TAT: variants seen among roughly 807,000 people sequenced by gnomAD.
The protein encoded by TAT is tyrosine aminotransferase.
In TAT, 35 loss-of-function variants were observed where a neutral mutation model predicts 53.6. The ratio of observed to expected loss-of-function variants is 0.65; its 90% CI spans 0.50 to 0.87. The LOEUF is 0.87. Ranked by LOEUF, TAT falls within the 40% of genes least tolerant of loss-of-function variation. The probability of loss-of-function intolerance (pLI) is 0.00; values close to 1 mark genes in which losing one functional copy is unlikely to be tolerated. For synonymous variants in TAT, 197 were observed against 206.5 expected (o/e 0.95, Z 0.39); for missense variants, 525 against 571.8 (o/e 0.92, Z 0.83).
chr16:71,573,498 C>G (rs2044217137), intron 4 of TAT, 41 bp downstream of exon 4: 1 of 1,520,984 alleles, frequency 6.6e-7, no homozygotes, highest in Admixed American at 2.0e-5. Context: ...GGATAGTTTG[C>G]CCTAAATTGC....
intron 10 of TAT, 123 bp from the exon 11 acceptor site, chr16:71,568,932 GATAA>G: frequency 1.4e-6 from 1 of 728,844 alleles, no homozygotes; most frequent in Non-Finnish European, 2.5e-6. Context: ...ACTGATCACT[GATAA>G]ATAAGAGGGC....
chr16:71,568,143 C>T lies in TAT; in HGVS notation c.*1G>A, dbSNP rs2044176820. On this transcript the variant is annotated 3_prime_UTR_variant, in exon 12 of 12. Transcript: ENST00000355962. The stretch of plus-strand genomic sequence containing the variant: ...ACATCCTCAGGAGAATGGATGCAGG[C>T]CTATTTATCACACTCCTCCTGGCTG... 1 of 1,614,174 alleles carries T rather than the reference C, an allele frequency of 6.2e-7. No individual in the cohort carries two copies. The highest frequency in any genetic ancestry group is 8.5e-7 in the Non-Finnish European group (1 of 1,180,034).
chr16:71,576,272 C>T lies in TAT; in HGVS notation c.144G>A (p.Met48Ile). 1 of 1,614,132 alleles carries T rather than the reference C, an allele frequency of 6.2e-7. No individual in the cohort carries two copies. Among genetic ancestry groups the T allele is most frequent in the Non-Finnish European group, 8.5e-7 (1 of 1,180,026 alleles). The change falls in exon 2 of 12, where the codon ATG (methionine) becomes ATA (isoleucine). Residue 48 changes from methionine (M) to isoleucine (I), a missense_variant. Transcript: ENST00000355962. ...GGATGGGGTTGAAAGTTTTCTTGGC[C>T]ATGTCTGAGGGCCTCACAGACCACC... Reference protein sequence around the residue: ...KARWSVRPSDMAKKTFNPIRA... With the variant: ...KARWSVRPSDIAKKTFNPIRA...
Position 71,572,649 on chromosome 16 carries a change from G to C in TAT, c.448C>G (p.Leu150Val). The C allele has an allele frequency of 6.2e-7, 1 of 1,614,238 alleles. No individual in the cohort carries two copies. The highest frequency in any genetic ancestry group is 8.5e-7 in the Non-Finnish European group (1 of 1,180,042). ...GGGTTGGCCAACACAGCTAAACAAA[G>C]GTCAATAGCTTGGCTGCAGCCACTT... Reference protein sequence around the residue: ...LTSGCSQAIDLCLAVLANPGQ... With the variant: ...LTSGCSQAIDVCLAVLANPGQ... Residue 150 changes from leucine to valine, a missense_variant, in exon 5 of 12, where the codon CTT (leucine) becomes GTT (valine). Coordinates refer to ENST00000355962, the MANE Select transcript of TAT (RefSeq NM_000353.3).
At position 71,568,189 on chromosome 16, in the gene TAT, C is replaced by G. The variant is rs1358845904; in HGVS notation, c.1320G>C (p.Gln440His). 6.2e-7 allele frequency: 1 copy of G among 1,614,216 alleles called. No homozygotes were observed. Among genetic ancestry groups the G allele is most frequent in the Non-Finnish European group, 8.5e-7 (1 of 1,180,040 alleles). Residue 440 changes from glutamine (Q) to histidine (H), a missense_variant, in exon 12 of 12, where the codon CAG becomes CAC. Gln to His is a conservative substitution (Grantham distance 24). Coordinates refer to ENST00000355962, the MANE Select transcript of TAT (RefSeq NM_000353.3). ...ACSRIQEFCE[Q>H]HYHCAEGSQE... ...GGCTGCCTTCAGCACAATGGTAGTG[C>G]TGCTCACAGAACTCCTGGATCCGGC...
rs1244154928 is a variant in TAT at position 71,567,918 on chromosome 16, TG to T, written c.*225del. Reference sequence around the variant, plus strand: ...AGAGGGAGGCAGATTAATGAATTAGTGAGTCACTCTAGCAGCGCAGAGCAAG... The same window carrying T: ...AGAGGGAGGCAGATTAATGAATTAGTAGTCACTCTAGCAGCGCAGAGCAAG... On this transcript the variant is annotated 3_prime_UTR_variant, in exon 12 of 12. Transcript: ENST00000355962. 1.8e-6 allele frequency: 1 copy of T among 566,124 alleles called. No homozygotes were observed. Among genetic ancestry groups the T allele is most frequent in the Non-Finnish European group, 3.2e-6 (1 of 316,532 alleles). 35.1% of individuals were successfully genotyped at this position (566,124 alleles called of 1,614,324 possible).
At chr16:71,572,362 A>C in intron 5 of TAT, 38 bp from the exon 6 acceptor site, 1 of 1,613,960 alleles carries the variant, frequency 6.2e-7, no homozygotes, top group Non-Finnish European at 8.5e-7. Context: ...GATGATTCTG[A>C]AACATTTAGG....
intron 7 of TAT, 96 bp from the exon 8 acceptor site, chr16:71,570,927 A>T (rs766366354): frequency 1.4e-6 from 2 of 1,471,534 alleles, no homozygotes; most frequent in African/African-American, 1.4e-5. Flanking sequence ...ATCACTAGGG[A>T]CAGGTCCTTG....
At position 71,576,416 on chromosome 16, in the gene TAT, C is replaced by A; in HGVS notation, c.-1G>T. ...TCATCTGAATCATGTATGGGTCCATCACTAGCGAAGCCTGCGAGGGGAAAG... is the reference window on the plus strand; with the variant it reads ...TCATCTGAATCATGTATGGGTCCATAACTAGCGAAGCCTGCGAGGGGAAAG... On this transcript the variant is annotated 5_prime_UTR_variant, in exon 2 of 12. Transcript: ENST00000355962. 6.2e-7 allele frequency: 1 copy of A among 1,614,118 alleles called. No individual in the cohort carries two copies. Among genetic ancestry groups the A allele is most frequent in the South Asian group, 1.1e-5 (1 of 91,082 alleles).
At chr16:71,568,831 G>T (rs370702240) in intron 10 of TAT, 22 bp from the exon 11 acceptor site, 2 of 1,592,254 alleles carry the variant, frequency 1.3e-6, no homozygotes, top group African/African-American at 1.3e-5. Flanking sequence ...GGAGGGAGAG[G>T]CCAACTTATC....
intron 1 of TAT, 28 bp from the exon 2 acceptor site, chr16:71,576,455 T>G (rs1292839489): frequency 6.3e-7 from 1 of 1,590,052 alleles, no homozygotes; most frequent in Middle Eastern, 1.7e-4. Flanking sequence ...TTCCCTGTGA[T>G]GTTGATAACA....
chr16:71,568,044 G>T lies in TAT; in HGVS notation c.*100C>A. 7.0e-7 allele frequency: 1 copy of T among 1,433,110 alleles called. No individual in the cohort carries two copies. 88.8% of individuals were successfully genotyped at this position (1,433,110 alleles called of 1,614,324 possible). On this transcript the variant is annotated 3_prime_UTR_variant, in exon 12 of 12. Coordinates refer to ENST00000355962, the MANE Select transcript of TAT (RefSeq NM_000353.3). ...TGAACCCTTGACATGGTGCATTTGAGGCCCCTCTCCCAGTAGGGCCACCTG... is the reference window on the plus strand; with the variant it reads ...TGAACCCTTGACATGGTGCATTTGATGCCCCTCTCCCAGTAGGGCCACCTG...
In TAT at chr16:71,576,374, G is replaced by T; in HGVS notation, c.42C>A (p.Leu14=). ...YMIQMSSKGN[L]PSILDVHVNV... ...TGACATGCACGTCCAGAATTGAGGG[G>T]AGGTTGCCTTTGCTGCTCATCTGAA... Residue 14 remains leucine, a synonymous_variant, in exon 2 of 12, where the codon CTC becomes CTA. Transcript: ENST00000355962. 1.2e-6 allele frequency: 2 copies of T among 1,614,196 alleles called. No homozygotes were observed. Among genetic ancestry groups the T allele is most frequent in the Non-Finnish European group, 1.7e-6 (2 of 1,180,040 alleles).
chr16:71,572,259 A>G lies in TAT; in HGVS notation c.633T>C (p.Cys211=). ...GGTTTGATGGATTATTGACAATGAG[A>G]CAAGCTGTCTTTTCATCAATTAGAT... The part of the protein sequence containing the change: ...LEYLIDEKTA[C]LIVNNPSNPC... Residue 211 remains cysteine, a synonymous_variant, in exon 6 of 12, where the codon TGT becomes TGC. Transcript: ENST00000355962. The G allele has an allele frequency of 6.2e-7, 1 of 1,614,198 alleles. No homozygotes were observed. The highest frequency in any genetic ancestry group is 8.5e-7 in the Non-Finnish European group (1 of 1,180,010).
At position 71,570,670 on chromosome 16, in the gene TAT, T is replaced by C. The variant is rs2044196750; in HGVS notation, c.912+9A>G. 6.2e-7 allele frequency: 1 copy of C among 1,614,192 alleles called. No homozygotes were observed. ...CTAAATTACACATACTCTTTCACCA[T>C]ATTATCACCTCATTGCCAAAAATGT... On this transcript the variant is annotated intron_variant, in intron 8 of 11. Transcript: ENST00000355962.
chr16:71,568,134 G>C lies in TAT; in HGVS notation c.*10C>G, dbSNP rs1223131755. On this transcript the variant is annotated 3_prime_UTR_variant, in exon 12 of 12. Coordinates refer to ENST00000355962, the MANE Select transcript of TAT (RefSeq NM_000353.3). ...AGATGGGACACATCCTCAGGAGAAT[G>C]GATGCAGGCCTATTTATCACACTCC... 1 of 1,614,054 alleles carries C rather than the reference G, an allele frequency of 6.2e-7. No individual in the cohort carries two copies. The highest frequency in any genetic ancestry group is 8.5e-7 in the Non-Finnish European group (1 of 1,180,040).
At chr16:71,568,461 C>T in intron 11 of TAT, 177 bp from the exon 12 acceptor site, 2 of 701,288 alleles carry the variant, frequency 2.9e-6, no homozygotes, top group South Asian at 1.8e-5. Context: ...CTTAAAATGA[C>T]TTGTGGGACA....
At position 71,570,381 on chromosome 16, in the gene TAT, A is replaced by C. The variant is rs143213566; in HGVS notation, c.929T>G (p.Val310Gly). 1.2e-6 allele frequency: 2 copies of C among 1,614,204 alleles called. No individual in the cohort carries two copies. Among genetic ancestry groups the C allele is most frequent in the Non-Finnish European group, 1.7e-6 (2 of 1,180,036 alleles). ...IFGNEIRDGL[V>G]KLSQRILGPC... ...TCCCAAAATGCGCTGACTCAGCTTCACCAGCCCATCTCGGATCTAAAAGAC... is the reference window on the plus strand; with the variant it reads ...TCCCAAAATGCGCTGACTCAGCTTCCCCAGCCCATCTCGGATCTAAAAGAC... Residue 310 changes from valine (V) to glycine (G), a missense_variant, in exon 9 of 12, where the codon GTG becomes GGG. Val to Gly is a moderately radical substitution (Grantham distance 109). Coordinates refer to ENST00000355962, the MANE Select transcript of TAT (RefSeq NM_000353.3).
In TAT at chr16:71,576,668, G is replaced by A. The variant is rs544618412; in HGVS notation, c.-12-241C>T. On this transcript the variant is annotated intron_variant, in intron 1 of 11. Transcript: ENST00000355962. ...TCTACTTAAGTAGGATTTGCTACAC[G>A]CATCTGCAATTCCTGTCAAAGCTTA... 4.2e-4 allele frequency among the ~76,000 whole-genome samples: 64 copies of A among 152,180 alleles called. 1 individual carries two copies. The highest frequency in any genetic ancestry group is 1.2e-3 in the African/African-American group (48 of 41,504).
Sources: gnomAD v4.1 joint callset for allele counts (sites outside exome capture counted in the v4.1 genomes callset) on GRCh38, gnomAD v4.1.1 for gene constraint, MANE v1.5 for transcripts, NCBI Gene and HGNC (gene_info 2026-07-23, HGNC 2026-07-21) for gene names.